The following LIPA variants were observed in gnomAD, a reference collection of about 807,000 sequenced individuals.
The protein encoded by LIPA is lysosomal acid lipase/cholesteryl ester hydrolase.
Under a neutral mutation model 40.6 loss-of-function variants are expected in LIPA, and 26 were observed. The observed-to-expected ratio is 0.64, with a 90% confidence interval of 0.47 to 0.89. The LOEUF (loss-of-function observed/expected upper bound fraction) is 0.89, where lower values mean the gene tolerates loss of function less well. Among genes scored for constraint, LIPA ranks in the 40% least tolerant of loss-of-function variants. The pLI, the probability that LIPA is intolerant of heterozygous loss-of-function variation, is 0.00. For missense variants in LIPA, 455 were observed against 479.6 expected (o/e 0.95, Z 0.48); for synonymous variants, 188 against 168.4 (o/e 1.12, Z -0.90).
chr10:89,385,564 G>A (rs926532937), intron 2 of LIPA, among the ~76,000 whole-genome samples: 1 of 152,140 alleles, frequency 6.6e-6, no homozygotes, highest in Non-Finnish European at 1.5e-5. Flanking sequence ...ATGTGGCCAG[G>A]GTCACTGACC....
At chr10:89,414,349 T>TCAAA (rs139368125) in intron 1 of LIPA, 14,942 of 158,962 alleles carry the variant, frequency 0.094, 1,596 homozygotes, top group African/African-American at 0.27. Context: ...AGACGCTATC[T>TCAAA]CAAACAAACA....
In LIPA at chr10:89,402,318, G is replaced by C. The variant is rs181412791; in HGVS notation, c.61+10473C>G. On this transcript the variant is annotated intron_variant, in intron 2 of 8. Transcript: ENST00000371837. The stretch of plus-strand genomic sequence containing the variant: ...TGATCATCAGGTCAAGGATAGTCTG[G>C]AGCAATTGAGATGTCACTTTACATG... 2.8e-4 allele frequency: 454 copies of C among 1,613,764 alleles called. 1 individual carries two copies. Among genetic ancestry groups the C allele is most frequent in the Non-Finnish European group, 2.9e-4 (348 of 1,179,784 alleles).
chr10:89,274,450 G>T (rs1843280281), intron 1 of LIPA, among the ~76,000 whole-genome samples: 1 of 152,096 alleles, frequency 6.6e-6, no homozygotes, highest in Non-Finnish European at 1.5e-5. Context: ...CTTTTGTGTT[G>T]GATACAACTC....
chr10:89,224,540 G>A (rs997462123), intron 6 of LIPA, among the ~76,000 whole-genome samples: 8 of 152,256 alleles, frequency 5.3e-5, no homozygotes, highest in East Asian at 1.9e-4. Flanking sequence ...TAGAACATCT[G>A]GTCTTACCTA....
rs538579151 is a variant in LIPA at position 89,275,510 on chromosome 10, C to T, written c.-1-27861G>A. 4.6e-5 allele frequency among the ~76,000 whole-genome samples: 7 copies of T among 152,290 alleles called. No homozygotes were observed. The South Asian group carries it at 6.2e-4, about 14-fold the overall frequency. ...TCCATCTTCCCATTTTTTCCACCTG[C>T]CTTATGTACTTGAAGCTTCAGTACC... On this transcript the variant is annotated intron_variant, in intron 1 of 5. Coordinates refer to the LIPA transcript ENST00000282673.
chr10:89,215,388 T>A (rs940748824), intron 9 of LIPA, among the ~76,000 whole-genome samples: 7 of 151,980 alleles, frequency 4.6e-5, no homozygotes, highest in Non-Finnish European at 1.0e-4. Context: ...CTGGAAAGAG[T>A]TTGGGGTCAT....
At chr10:89,234,838 G>A (rs1418745639) in intron 3 of LIPA, among the ~76,000 whole-genome samples, 4 of 152,252 alleles carry the variant, frequency 2.6e-5, no homozygotes, top group African/African-American at 7.2e-5. Context: ...TTGCACGCTT[G>A]TATGCTGTAG....
chr10:89,315,067 G>T (rs1189933715), intron 1 of LIPA, among the ~76,000 whole-genome samples: 1 of 152,162 alleles, frequency 6.6e-6, no homozygotes, highest in African/African-American at 2.4e-5. Flanking sequence ...GGATGTTTAG[G>T]GTTTCAAGTC....
intron 3 of LIPA, among the ~76,000 whole-genome samples, chr10:89,241,825 A>G (rs1197230976): frequency 5.9e-5 from 9 of 152,182 alleles, no homozygotes; most frequent in Admixed American, 5.9e-4. Context: ...TAAAATATAT[A>G]TTGTGCCTAT....
chr10:89,217,233 G>C (rs1842639790), intron 8 of LIPA, among the ~76,000 whole-genome samples: 1 of 152,198 alleles, frequency 6.6e-6, no homozygotes, highest in Admixed American at 6.5e-5. Context: ...TGTGAAGTCT[G>C]TTCTAATCAA....
intron 2 of LIPA, chr10:89,393,303 TA>T (rs1589632406): frequency 1.6e-6 from 2 of 1,288,662 alleles, no homozygotes; most frequent in East Asian, 1.1e-4. Flanking sequence ...GAGCTTAAGA[TA>T]AACAGATTGC....
intron 1 of LIPA, chr10:89,278,089 T>C (rs1843297780): frequency 6.6e-6 from 1 of 152,182 alleles, no homozygotes; most frequent in Non-Finnish European, 1.5e-5. Context: ...TAAATCAGGC[T>C]CAGGACCAAG....
intron 2 of LIPA, chr10:89,393,449 T>C: frequency 1.9e-6 from 1 of 529,692 alleles, no homozygotes; most frequent in Non-Finnish European, 2.9e-6. Flanking sequence ...AACCATTACT[T>C]AGGCCGGGCA....
intron 2 of LIPA, among the ~76,000 whole-genome samples, chr10:89,356,670 ACTGATT>A (rs1843990325): frequency 6.6e-6 from 1 of 152,178 alleles, no homozygotes; most frequent in South Asian, 2.1e-4. Context: ...CAGGGCTCCC[ACTGATT>A]CTACATTATA....
At chr10:89,296,204 A>G (rs772525720) in intron 1 of LIPA, among the ~76,000 whole-genome samples, 6 of 152,104 alleles carry the variant, frequency 3.9e-5, no homozygotes, top group Non-Finnish European at 8.8e-5. Context: ...ACTTGTAAAT[A>G]GAAGCCAGGC....
intron 1 of LIPA, among the ~76,000 whole-genome samples, chr10:89,321,889 A>G (rs1843574102): frequency 1.3e-5 from 2 of 152,238 alleles, no homozygotes; most frequent in African/African-American, 4.8e-5. Context: ...CTATGCAGCC[A>G]TAAAAAAGGA....
chr10:89,292,428 T>C (rs1332602037), intron 1 of LIPA: 2 of 152,224 alleles, frequency 1.3e-5, no homozygotes, highest in Non-Finnish European at 2.9e-5. Flanking sequence ...CAATACCTGA[T>C]AATACTATAG....
intron 1 of LIPA, chr10:89,339,410 G>C (rs1843811656): frequency 6.2e-7 from 1 of 1,614,196 alleles, no homozygotes; most frequent in Non-Finnish European, 8.5e-7. Context: ...AAATTTTACA[G>C]AAGAAAAGGT....
chr10:89,346,891 C>A (rs17119791), upstream of LIPA, among the ~76,000 whole-genome samples: 2 of 152,114 alleles, frequency 1.3e-5, no homozygotes, highest in Non-Finnish European at 2.9e-5. Flanking sequence ...TAGGAAATTG[C>A]GTAGGTTGGA....
Sources: allele counts gnomAD v4.1 joint callset (sites outside exome capture counted in the v4.1 genomes callset), GRCh38; gene constraint gnomAD v4.1.1; transcripts MANE v1.5; gene names NCBI Gene and HGNC (gene_info 2026-07-23, HGNC 2026-07-21).